The following KHDRBS2 variants were observed in gnomAD, a reference collection of about 807,000 sequenced individuals.
KHDRBS2 encodes the protein KH domain-containing, RNA-binding, signal transduction-associated protein 2.
In KHDRBS2, 26 loss-of-function variants were observed where a neutral mutation model predicts 44.3. The observed-to-expected ratio is 0.59, with a 90% CI of 0.43 to 0.81. KHDRBS2 has a LOEUF of 0.81. Among genes scored for constraint, KHDRBS2 ranks in the 40% least tolerant of loss-of-function variants. The pLI, the probability that KHDRBS2 is intolerant of heterozygous loss-of-function variation, is 0.00. For synonymous variants in KHDRBS2, 194 were observed against 151.1 expected (o/e 1.28, Z -2.08); for missense variants, 476 against 433.1 (o/e 1.10, Z -0.88).
Position 61,954,843 on chromosome 6 carries a change from TAC to T in KHDRBS2, c.483+23221_483+23222del, listed in dbSNP as rs1312242029. On this transcript the variant is annotated intron_variant, in intron 4 of 8. Transcript: ENST00000281156. ...GTATATACACATGCATATGTATGTA[TAC>T]ATATGCATGTGTATATACACATACA... 4.3e-3 allele frequency among the ~76,000 whole-genome samples: 343 copies of T among 78,942 alleles called. 66 individuals carry two copies. Among genetic ancestry groups the T allele is most frequent in the South Asian group, 0.012 (31 of 2,514 alleles). The allele number at this position is 78,942 out of a possible 152,430, so 51.8% of individuals were successfully genotyped here. A position where few individuals can be genotyped will look rare whatever the true frequency, so the allele number is the denominator to read the frequency against.
chr6:61,681,126 A>G (rs777118445), intron 8 of KHDRBS2, 66 bp from the exon 9 acceptor site: 93 of 1,075,778 alleles, frequency 8.6e-5, no homozygotes, highest in Non-Finnish European at 1.2e-4. Context: ...GTCATTTAAG[A>G]CACAATAGTT....
At chr6:61,560,250 C>G in the KHDRBS2 span, among the ~76,000 whole-genome samples, 1 of 152,022 alleles carries the variant, frequency 6.6e-6, no homozygotes, top group South Asian at 2.1e-4. Flanking sequence ...TTAACTTTGA[C>G]CTTTAGAAGA....
At chr6:61,954,812 G>A (rs62644458) in intron 4 of KHDRBS2, among the ~76,000 whole-genome samples, 13,340 of 45,868 alleles carry the variant, frequency 0.29, 4,559 homozygotes, top group Middle Eastern at 0.54. Context: ...GTATACATAC[G>A]CATGTGTATA....
In KHDRBS2 at chr6:61,915,846, T is replaced by C. The variant is rs1050181860; in HGVS notation, c.484-14475A>G. ...CTTTAGTGGTAGCAAAGGGCTTTTG[T>C]GGTATTAAACACCTCAATTTTACTC... On this transcript the variant is annotated intron_variant, in intron 4 of 8. Transcript: ENST00000281156. Among the ~76,000 whole-genome samples the C allele has an allele frequency of 3.0e-4, 45 of 151,986 alleles. 1 individual carries two copies. The highest frequency in any genetic ancestry group is 5.9e-5 in the Non-Finnish European group (4 of 67,960).
At chr6:62,107,328 G>A (rs1459704629) in intron 2 of KHDRBS2, among the ~76,000 whole-genome samples, 1 of 152,144 alleles carries the variant, frequency 6.6e-6, no homozygotes, top group African/African-American at 2.4e-5. Flanking sequence ...AATCATGAGT[G>A]AACTCCCATT....
intron 6 of KHDRBS2, among the ~76,000 whole-genome samples, chr6:61,891,218 TA>T (rs942892718): frequency 6.6e-6 from 1 of 152,164 alleles, no homozygotes; most frequent in Non-Finnish European, 1.5e-5. Flanking sequence ...CTGGAGAGGT[TA>T]AAGGCAAAAT....
intron 2 of KHDRBS2, among the ~76,000 whole-genome samples, chr6:62,073,530 C>CTTTTTTTTTT (rs60124030): frequency 3.1e-4 from 38 of 124,406 alleles, no homozygotes; most frequent in East Asian, 4.7e-4. Flanking sequence ...TTTCTTTTTT[C>CTTTTTTTTTT]TTTTTTTTTT....
the KHDRBS2 span, among the ~76,000 whole-genome samples, chr6:61,629,025 A>G: frequency 6.6e-6 from 1 of 152,194 alleles, no homozygotes; most frequent in African/African-American, 2.4e-5. Context: ...ACTAATTCTT[A>G]ATATATTCTA....
At chr6:62,119,406 C>T (rs1424053223) in intron 2 of KHDRBS2, among the ~76,000 whole-genome samples, 1 of 152,136 alleles carries the variant, frequency 6.6e-6, no homozygotes, top group Non-Finnish European at 1.5e-5. Flanking sequence ...GTTCCAGAAG[C>T]ACAAACTAAG....
chr6:61,634,786 G>A, the KHDRBS2 span, among the ~76,000 whole-genome samples: 1 of 152,004 alleles, frequency 6.6e-6, no homozygotes, highest in Non-Finnish European at 1.5e-5. Flanking sequence ...CACTGCCCTA[G>A]TTCAAGTAAG....
At chr6:61,929,777 A>G (rs143537096) in intron 4 of KHDRBS2, among the ~76,000 whole-genome samples, 5 of 152,326 alleles carry the variant, frequency 3.3e-5, no homozygotes, top group Middle Eastern at 3.4e-3. Flanking sequence ...AACAAATGTT[A>G]ATCTACATTT....
At chr6:62,099,122 A>G (rs955358964) in intron 2 of KHDRBS2, among the ~76,000 whole-genome samples, 105 of 152,274 alleles carry the variant, frequency 6.9e-4, no homozygotes, top group African/African-American at 2.3e-3. Flanking sequence ...TTACATCTTC[A>G]TTACTTTAGG....
At position 61,741,197 on chromosome 6, in the gene KHDRBS2, ACATGCATTACTACCC is replaced by A. The variant is rs552798704; in HGVS notation, c.811-8448_811-8434del. Among the ~76,000 whole-genome samples the A allele has an allele frequency of 3.3e-5, 5 of 151,982 alleles. No homozygotes were observed. The South Asian group carries it at 1.0e-3, about 32-fold the overall frequency. On this transcript the variant is annotated intron_variant, in intron 6 of 8. Coordinates refer to ENST00000281156, the MANE Select transcript of KHDRBS2 (RefSeq NM_152688.4). The stretch of plus-strand genomic sequence containing the variant: ...TGTGAAAATTTCTGGCTCTACTCTT[ACATGCATTACTACCC>A]CATAGACACAGAATCAAAAAGTTCT...
chr6:61,770,474 T>C (rs1780697469), intron 6 of KHDRBS2, among the ~76,000 whole-genome samples: 1 of 152,098 alleles, frequency 6.6e-6, no homozygotes, highest in East Asian at 1.9e-4. Flanking sequence ...GAATAACCAA[T>C]GCAGAGAAGT....
chr6:61,830,136 G>A (rs1791565698), intron 6 of KHDRBS2, among the ~76,000 whole-genome samples: 3 of 152,172 alleles, frequency 2.0e-5, no homozygotes, highest in Non-Finnish European at 4.4e-5. Flanking sequence ...CATTTTCCAT[G>A]TCCTCTCTAA....
At chr6:62,219,150 T>G (rs1163457724) in intron 1 of KHDRBS2, among the ~76,000 whole-genome samples, 1 of 150,930 alleles carries the variant, frequency 6.6e-6, no homozygotes, top group African/African-American at 2.4e-5. Context: ...ATTCCTTAAA[T>G]TTATACAAAT....
chr6:62,047,901 C>T lies in KHDRBS2; in HGVS notation c.313G>A (p.Gly105Arg). Residue 105 changes from glycine to arginine, a missense_variant, in exon 3 of 9, where the codon GGA becomes AGA. Gly to Arg is a moderately radical substitution (Grantham distance 125). Coordinates refer to ENST00000281156, the MANE Select transcript of KHDRBS2 (RefSeq NM_152688.4). ...TGAKMSILGK[G>R]SMRDKAKEEE... is the part of the protein sequence containing the mutation. The stretch of plus-strand genomic sequence containing the variant: ...ACCTTAGCTTTATCTCTCATTGATC[C>T]TTTGCCCAGGATAGACATTTTAGCA... 6.2e-7 allele frequency: 1 copy of T among 1,608,958 alleles called. No individual in the cohort carries two copies. Among genetic ancestry groups the T allele is most frequent in the Non-Finnish European group, 8.5e-7 (1 of 1,175,822 alleles).
chr6:61,933,535 C>T (rs558345720), intron 4 of KHDRBS2, among the ~76,000 whole-genome samples: 19 of 152,250 alleles, frequency 1.2e-4, no homozygotes, highest in African/African-American at 4.6e-4. Flanking sequence ...GTGGTTTCAT[C>T]ACTATCCAAA....
At chr6:61,848,402 A>G (rs1347270683) in intron 6 of KHDRBS2, among the ~76,000 whole-genome samples, 32 of 142,440 alleles carry the variant, frequency 2.2e-4, no homozygotes, top group African/African-American at 8.3e-4. Flanking sequence ...GATGTATAAC[A>G]CTCCCCCATC....
Sources: gnomAD v4.1 joint callset for allele counts (sites outside exome capture counted in the v4.1 genomes callset) on GRCh38, gnomAD v4.1.1 for gene constraint, MANE v1.5 for transcripts, NCBI Gene and HGNC (gene_info 2026-07-23, HGNC 2026-07-21) for gene names.